The following NXPE2 variants were observed in gnomAD, a reference collection of about 807,000 sequenced individuals.
The protein encoded by NXPE2 is NXPE family member 2.
A neutral mutation model predicts 34.4 loss-of-function variants in NXPE2; 34 were observed. The ratio of observed to expected loss-of-function variants is 0.99; its 90% CI spans 0.75 to 1.31. The LOEUF is 1.31. Among genes scored for constraint, NXPE2 ranks in the 40% most tolerant of loss-of-function variants. The probability of loss-of-function intolerance (pLI) is 0.00; values close to 1 mark genes in which losing one functional copy is unlikely to be tolerated. For synonymous variants in NXPE2, 235 were observed against 231.3 expected (o/e 1.02, Z -0.15); for missense variants, 649 against 672.5 (o/e 0.97, Z 0.39).
At chr11:114,797,488 G>T in the NXPE2 span, among the ~76,000 whole-genome samples, 1 of 152,124 alleles carries the variant, frequency 6.6e-6, no homozygotes, top group South Asian at 2.1e-4. Flanking sequence ...CAGGTCACGA[G>T]GTCCTCAGTT....
the NXPE2 span, among the ~76,000 whole-genome samples, chr11:114,663,678 TTATCTATCTATC>T: frequency 0.013 from 1,899 of 145,998 alleles, 34 homozygotes; most frequent in African/African-American, 0.047. Flanking sequence ...ATCTATCTAT[TTATCTATCTATC>T]TATCTATCTA....
chr11:114,626,646 C>G, the NXPE2 span, among the ~76,000 whole-genome samples: 2 of 152,182 alleles, frequency 1.3e-5, no homozygotes, highest in Admixed American at 1.3e-4. Flanking sequence ...CAGTTCCTCA[C>G]CAGCAACAGA....
chr11:114,719,014 C>T, the NXPE2 span, among the ~76,000 whole-genome samples: 22 of 152,300 alleles, frequency 1.4e-4, no homozygotes, highest in Middle Eastern at 3.4e-3. Flanking sequence ...TAGAAGAAAT[C>T]CACTGAGTGA....
the NXPE2 span, among the ~76,000 whole-genome samples, chr11:114,714,827 G>C: frequency 1.6e-4 from 25 of 152,154 alleles, no homozygotes; most frequent in Non-Finnish European, 3.1e-4. Flanking sequence ...TTCGAGACCA[G>C]CCTGGCCAAT....
At chr11:114,710,940 A>G (rs1273201983), downstream of NXPE2, among the ~76,000 whole-genome samples, 1 of 152,220 alleles carries the variant, frequency 6.6e-6, no homozygotes, top group Non-Finnish European at 1.5e-5. Context: ...GGCTCAACAT[A>G]TGAAAATCAG....
At chr11:114,579,864 T>C in the NXPE2 span, among the ~76,000 whole-genome samples, 1 of 152,200 alleles carries the variant, frequency 6.6e-6, no homozygotes, top group South Asian at 2.1e-4. Flanking sequence ...GTTCCATCAA[T>C]AGTTTTTGGA....
At chr11:114,473,656 A>G in the NXPE2 span, among the ~76,000 whole-genome samples, 1 of 152,336 alleles carries the variant, frequency 6.6e-6, no homozygotes, top group East Asian at 1.9e-4. Flanking sequence ...GAATTGTTTC[A>G]TTGGAAGAAA....
At chr11:114,753,825 G>A in the NXPE2 span, among the ~76,000 whole-genome samples, 34 of 152,158 alleles carry the variant, frequency 2.2e-4, no homozygotes, top group Non-Finnish European at 4.0e-4. Flanking sequence ...AATCTTTTAG[G>A]CCAGATGTTA....
intron 2 of NXPE2, among the ~76,000 whole-genome samples, chr11:114,688,120 A>G (rs1951081255): frequency 6.6e-6 from 1 of 151,962 alleles, no homozygotes; most frequent in Non-Finnish European, 1.5e-5. Context: ...TAGGACTTCC[A>G]GTATGTTGAA....
At chr11:114,599,238 A>C in the NXPE2 span, among the ~76,000 whole-genome samples, 1 of 152,152 alleles carries the variant, frequency 6.6e-6, no homozygotes, top group Non-Finnish European at 1.5e-5. Flanking sequence ...TCACTAAACC[A>C]TAACAAAACT....
At chr11:114,635,717 G>T in the NXPE2 span, among the ~76,000 whole-genome samples, 1 of 152,018 alleles carries the variant, frequency 6.6e-6, no homozygotes, top group African/African-American at 2.4e-5. Flanking sequence ...CATCTATTGA[G>T]ATAATCATGT....
In NXPE2 at chr11:114,706,727, A is replaced by G. The variant is rs1242526195; in HGVS notation, c.1477A>G (p.Arg493Gly). Reference sequence around the variant, plus strand: ...GGTGATACTTAAAACTGAAAACACCAGAGAGATAGAACAAAATGCAGAGAT... The same window carrying G: ...GGTGATACTTAAAACTGAAAACACCGGAGAGATAGAACAAAATGCAGAGAT... ...TKVILKTENT[R>G]EIEQNAEMFS... Residue 493 changes from arginine to glycine, a missense_variant, in exon 6 of 6, where the codon AGA (arginine) becomes GGA (glycine). Coordinates refer to ENST00000389586, the MANE Select transcript of NXPE2 (RefSeq NM_182495.6). 13 of 1,552,356 alleles carry G rather than the reference A, an allele frequency of 8.4e-6. No individual in the cohort carries two copies. The highest frequency in any genetic ancestry group is 2.0e-5 in the Admixed American group (1 of 51,008).
At chr11:114,636,926 A>G in the NXPE2 span, among the ~76,000 whole-genome samples, 1 of 152,080 alleles carries the variant, frequency 6.6e-6, no homozygotes, top group Non-Finnish European at 1.5e-5. Context: ...TTGCTGAAAA[A>G]AATGTATATT....
chr11:114,696,747 T>A (rs1951265858), intron 2 of NXPE2, among the ~76,000 whole-genome samples: 1 of 152,176 alleles, frequency 6.6e-6, no homozygotes, highest in Non-Finnish European at 1.5e-5. Flanking sequence ...GAAAGTCAGT[T>A]TAGCAGGTTG....
chr11:114,803,225 A>C, the NXPE2 span, among the ~76,000 whole-genome samples: 29 of 152,230 alleles, frequency 1.9e-4, no homozygotes, highest in Admixed American at 6.5e-4. Context: ...AAAAATAATG[A>C]AAGAATTTAT....
At chr11:114,634,688 T>C in the NXPE2 span, among the ~76,000 whole-genome samples, 34 of 152,062 alleles carry the variant, frequency 2.2e-4, no homozygotes, top group African/African-American at 7.7e-4. Flanking sequence ...ATATCGCTAG[T>C]TGGTTTTCCC....
the NXPE2 span, among the ~76,000 whole-genome samples, chr11:114,657,326 G>T: frequency 1.3e-5 from 2 of 152,138 alleles, no homozygotes; most frequent in Admixed American, 6.5e-5. Context: ...AGGAGTCTGT[G>T]AACTTAGGTG....
At chr11:114,491,155 C>A in the NXPE2 span, among the ~76,000 whole-genome samples, 6 of 38,600 alleles carry the variant, frequency 1.6e-4, no homozygotes, top group South Asian at 5.1e-3. Context: ...GGCGACAGAG[C>A]GAGACTCCGT....
At chr11:114,513,779 A>C in the NXPE2 span, among the ~76,000 whole-genome samples, 1 of 152,252 alleles carries the variant, frequency 6.6e-6, no homozygotes, top group East Asian at 1.9e-4. Context: ...GTAATTATTA[A>C]GAAATATTAC....
Sources: gnomAD v4.1 joint callset for allele counts (sites outside exome capture counted in the v4.1 genomes callset) on GRCh38, gnomAD v4.1.1 for gene constraint, MANE v1.5 for transcripts, NCBI Gene and HGNC (gene_info 2026-07-23, HGNC 2026-07-21) for gene names.